Variants in MYO15A observed in about 807,000 individuals in gnomAD.
MYO15A encodes unconventional myosin-XV.
Under a neutral mutation model 394.6 loss-of-function variants are expected in MYO15A, and 308 were observed. That is an observed-to-expected ratio of 0.78 (90% CI 0.71 to 0.86). MYO15A has a LOEUF of 0.86. MYO15A is among the 40% of genes least tolerant of loss of function. MYO15A has a pLI of 0.00. For synonymous variants in MYO15A, 1,957 were observed against 2,003.8 expected, an observed-to-expected ratio of 0.98 and a Z score of 0.62; for missense variants, 4,606 against 4,799.1, an observed-to-expected ratio of 0.96 and a Z score of 1.19.
rs1391120517 is a variant in MYO15A at position 18,149,074 on chromosome 17, CAGGTTCTTA to C, written c.6956+126_6957-130del. On this transcript the variant is annotated intron_variant, in intron 33 of 65. Transcript: ENST00000647165. ...CAGGCTGAGCCCTGAACTTAGACTT[CAGGTTCTTA>C]AGGAGGTAGAGTTCACCAAAGGATC... 3.4e-6 allele frequency: 5 copies of C among 1,481,860 alleles called. No homozygotes were observed. In the African/African-American group the frequency reaches 5.6e-5, roughly 17 times the overall value. The allele number at this position is 1,481,860 out of a possible 1,614,324, so 91.8% of individuals were successfully genotyped here. A position where few individuals can be genotyped will look rare whatever the true frequency, so the allele number is the denominator to read the frequency against.
chr17:18,172,056 A>G (rs2046950211), intron 63 of MYO15A, 101 bp from the exon 64 acceptor site: 1 of 1,590,228 alleles, frequency 6.3e-7, no homozygotes, highest in Non-Finnish European at 8.6e-7. Flanking sequence ...GGGCTTCTGC[A>G]CTGGCTGGAC....
chr17:18,121,917 TC>T lies in MYO15A; in HGVS notation c.3123del (p.Lys1042ArgfsTer16), dbSNP rs769230097. 1 of 1,611,398 alleles carries T rather than the reference TC, an allele frequency of 6.2e-7. No individual in the cohort carries two copies. The highest frequency in any genetic ancestry group is 8.5e-7 in the Non-Finnish European group (1 of 1,179,438). On this transcript the variant is annotated frameshift_variant, in exon 2 of 66. Transcript: ENST00000647165. LOFTEE classifies it high-confidence loss of function. The surrounding 1 kb of genome is among the most constrained non-coding windows in gnomAD (Gnocchi z 5.3). Reference sequence around the variant, plus strand: ...CCCCAGCACCTCCCAAGGATGTCACTCCCCCCAAGGATATCACTCCCCCCAA... The same window carrying T: ...CCCCAGCACCTCCCAAGGATGTCACTCCCCCAAGGATATCACTCCCCCCAA... ...PTPAPPKDVT[P>X]PKDITPPKDV...
chr17:18,166,597 T>A, intron 61 of MYO15A, 76 bp downstream of exon 61: 4 of 1,577,596 alleles, frequency 2.5e-6, no homozygotes, highest in Non-Finnish European at 3.4e-6. Flanking sequence ...CTCCACAGCC[T>A]TGGTGTTTGA....
chr17:18,142,189 G>A lies in MYO15A; in HGVS notation c.5760G>A (p.Arg1920=). The change falls in exon 24 of 66, where the codon CGG becomes CGA. Residue 1920 remains arginine, a synonymous_variant. Transcript: ENST00000647165. ...GCCTCCGTGGCTTCTTCATTAAGCGGCGATTCCGCTCTCTGCGCCACAAGA... is the reference window on the plus strand; with the variant it reads ...GCCTCCGTGGCTTCTTCATTAAGCGACGATTCCGCTCTCTGCGCCACAAGA... ...QRCLRGFFIK[R]RFRSLRHKII... is the part of the protein sequence containing the mutation. The A allele has an allele frequency of 6.2e-7, 1 of 1,613,772 alleles. No homozygotes were observed. Among genetic ancestry groups the A allele is most frequent in the African/African-American group, 1.3e-5 (1 of 75,048 alleles).
rs1425128458 is a variant in MYO15A, at chr17:18,141,139, G to A, written c.5527G>A (p.Asp1843Asn). The A allele has an allele frequency of 2.5e-6, 4 of 1,613,588 alleles. No homozygotes were observed. The highest frequency in any genetic ancestry group is 3.4e-6 in the Non-Finnish European group (4 of 1,180,006). The change falls in exon 22 of 66, where the codon GAC becomes AAC. Residue 1843 changes from aspartate (D) to asparagine (N), a missense_variant. Asp to Asn is a conservative substitution (Grantham distance 23). This residue lies in a region of MYO15A where 2,776 missense variants were observed against 3,109.3 expected (regional missense o/e 0.89). Coordinates refer to ENST00000647165, the MANE Select transcript of MYO15A (RefSeq NM_016239.4). ...PVRLPFQGFI[D>N]RYCCLVALKH... The stretch of plus-strand genomic sequence containing the variant: ...GCGCCTGCCTTTCCAGGGGTTCATC[G>A]ACAGGTATCTTGGTTACGGTAGTTC...
intron 60 of MYO15A, chr17:18,164,088 G>A (rs1427220651): frequency 1.8e-6 from 1 of 556,648 alleles, no homozygotes; most frequent in Non-Finnish European, 3.2e-6. Context: ...TTGTCCCTCA[G>A]GACATGCTCA....
At chr17:18,126,968 T>A in intron 6 of MYO15A, 103 bp downstream of exon 6, 1 of 1,594,550 alleles carries the variant, frequency 6.3e-7, no homozygotes, top group Non-Finnish European at 8.6e-7. Flanking sequence ...GCCTGGTACC[T>A]CTGGGTTGGC....
At chr17:18,124,285 C>T (rs542305034) in intron 2 of MYO15A, 198 bp from the exon 3 acceptor site, 16 of 651,942 alleles carry the variant, frequency 2.5e-5, no homozygotes, top group Non-Finnish European at 3.4e-5. Context: ...TGAGGGTATG[C>T]GTGTGTCTCA....
intron 2 of MYO15A, chr17:18,123,900 G>A (rs1597762094): frequency 1.8e-5 from 3 of 169,928 alleles, no homozygotes; most frequent in South Asian, 1.5e-4. Context: ...CCTGCACACC[G>A]TGTGCCTCCA....
chr17:18,161,627 T>G lies in MYO15A; in HGVS notation c.9517+180T>G, dbSNP rs73288220. ...GTTTCACAGGGGCTGGCGTGGTGGT[T>G]TGTCTGATCTAATGGAGGGGGTGGT... On this transcript the variant is annotated intron_variant, in intron 57 of 65. Transcript: ENST00000647165. Among the ~76,000 whole-genome samples the G allele has an allele frequency of 0.044, 6,693 of 152,234 alleles. 479 individuals are homozygous for G. Among genetic ancestry groups the G allele is most frequent in the African/African-American group, 0.14 (6,012 of 41,506 alleles).
chr17:18,170,434 C>T (rs1325448514), intron 62 of MYO15A, among the ~76,000 whole-genome samples: 1 of 151,912 alleles, frequency 6.6e-6, no homozygotes, highest in Admixed American at 6.6e-5. Context: ...TCACGGCTCA[C>T]TGCAGCCTTG....
At position 18,120,846 on chromosome 17, in the gene MYO15A, G is replaced by C; in HGVS notation, c.2046G>C (p.Pro682=). ...CCCCGCCCGCGCCGCCGCTCTCCCC[G>C]GCGCTCTCGGGCCTGCCCCGGCCGG... ...SGPPPAPPLS[P]ALSGLPRPAS... is the part of the protein sequence containing the mutation. The change falls in exon 2 of 66, where the codon CCG becomes CCC. Residue 682 remains proline (P), a synonymous_variant. Coordinates refer to ENST00000647165, the MANE Select transcript of MYO15A (RefSeq NM_016239.4). 8.4e-7 allele frequency: 1 copy of C among 1,190,186 alleles called. No homozygotes were observed. The highest frequency in any genetic ancestry group is 1.0e-6 in the Non-Finnish European group (1 of 959,516). 73.7% of individuals were successfully genotyped at this position (1,190,186 alleles called of 1,614,324 possible).
chr17:18,130,747 A>G (rs2142296514), intron 7 of MYO15A, 58 bp from the exon 8 acceptor site: 3 of 1,610,544 alleles, frequency 1.9e-6, no homozygotes, highest in South Asian at 2.2e-5. Context: ...CGGTCCTGCT[A>G]GTGACTCCAT....
chr17:18,158,780 G>C (rs1334431435), intron 52 of MYO15A, 142 bp downstream of exon 52: 1 of 1,381,150 alleles, frequency 7.2e-7, no homozygotes. Flanking sequence ...GCTCATTTCA[G>C]TGCCTGCCTC....
At chr17:18,170,865 T>C (rs917508312) in intron 62 of MYO15A, among the ~76,000 whole-genome samples, 6 of 152,220 alleles carry the variant, frequency 3.9e-5, no homozygotes, top group Admixed American at 1.3e-4. Flanking sequence ...AGAGGTTATA[T>C]GGCTTACTGA....
chr17:18,158,514 C>T lies in MYO15A; in HGVS notation c.8968-9C>T. 1 of 1,613,688 alleles carries T rather than the reference C, an allele frequency of 6.2e-7. No individual in the cohort carries two copies. The highest frequency in any genetic ancestry group is 8.5e-7 in the Non-Finnish European group (1 of 1,179,662). On this transcript the variant is annotated splice_polypyrimidine_tract_variant and intron_variant, in intron 51 of 65. Coordinates refer to ENST00000647165, the MANE Select transcript of MYO15A (RefSeq NM_016239.4). Reference sequence around the variant, plus strand: ...GGACTGGGCCTTCCTAGCTCCGCCTCTTCTGCAGGGTCCCCCAGTCAGGGC... The same window carrying T: ...GGACTGGGCCTTCCTAGCTCCGCCTTTTCTGCAGGGTCCCCCAGTCAGGGC...
chr17:18,136,752 C>T (rs370886322), intron 15 of MYO15A, 66 bp downstream of exon 15: 25 of 1,528,504 alleles, frequency 1.6e-5, no homozygotes, highest in East Asian at 1.2e-4. Context: ...TCAGGCGTCT[C>T]GGGCTGCCCT....
At position 18,157,817 on chromosome 17, in the gene MYO15A, G is replaced by T; in HGVS notation, c.8884G>T (p.Glu2962Ter). The T allele has an allele frequency of 6.3e-7, 1 of 1,599,922 alleles. No individual in the cohort carries two copies. ...CCCCGACTTCCTGCAGCTGCCAACG[G>T]AGCCAGGCCGCGGCCGAGCAGCCGC... ...AAPDFLQLPT[E>*]PGRGRAAAVA... Residue 2962 changes from glutamate (E) to a stop codon, truncating the protein, a stop_gained, in exon 51 of 66, where the codon GAG (glutamate) becomes TAG (stop). Transcript: ENST00000647165. LOFTEE classifies it high-confidence loss of function.
At chr17:18,168,946 A>C (rs1003551319) in intron 62 of MYO15A, among the ~76,000 whole-genome samples, 5 of 149,952 alleles carry the variant, frequency 3.3e-5, no homozygotes, top group Non-Finnish European at 7.4e-5. Flanking sequence ...TACTAAAAAA[A>C]TTTAAAAAAA....
Sources: gnomAD v4.1 joint callset for allele counts (sites outside exome capture counted in the v4.1 genomes callset) on GRCh38, gnomAD v4.1.1 for gene constraint, gnomAD v4.1.1 regional missense constraint, Gnocchi (gnomAD v3.1) non-coding constraint, MANE v1.5 for transcripts, NCBI Gene and HGNC (gene_info 2026-07-23, HGNC 2026-07-21) for gene names.